ABTB2: variants seen among roughly 807,000 people sequenced by gnomAD.
The protein encoded by ABTB2 is ankyrin repeat and BTB/POZ domain-containing protein 2.
A neutral mutation model predicts 104.1 loss-of-function variants in ABTB2; 56 were observed. That is an observed-to-expected ratio of 0.54 (90% confidence interval 0.43 to 0.67). ABTB2 has a LOEUF of 0.67. Ranked by LOEUF, ABTB2 falls within the 30% of genes least tolerant of loss-of-function variation. The pLI is 0.00. For missense variants in ABTB2, 1,279 were observed against 1,407.7 expected, an observed-to-expected ratio of 0.91 and a Z score of 1.46; for synonymous variants, 606 against 608.2, an observed-to-expected ratio of 1.00 and a Z score of 0.05.
intron 1 of ABTB2, among the ~76,000 whole-genome samples, chr11:34,343,141 T>C (rs1018976005): frequency 1.3e-5 from 2 of 151,876 alleles, no homozygotes; most frequent in Non-Finnish European, 2.9e-5. Flanking sequence ...GGCTAATATG[T>C]TGCTCCCATT....
intron 2 of ABTB2, 52 bp downstream of exon 2, chr11:34,204,492 T>G (rs536386654): frequency 6.6e-7 from 1 of 1,514,378 alleles, no homozygotes; most frequent in Non-Finnish European, 8.8e-7. Flanking sequence ...CCCCCAGCCC[T>G]GAGACCTCGC....
chr11:34,152,578 T>C lies in ABTB2; in HGVS notation c.2887A>G (p.Asn963Asp). ...VNTYKYAKIH[N>D]APELALFCEG... ...CAGAACAGGGCCAGTTCTGGGGCAT[T>C]GTGGATCTGTAGGGCAGAGAGAGGA... Residue 963 changes from asparagine to aspartate, a missense_variant, in exon 17 of 17, where the codon AAT (asparagine) becomes GAT (aspartate). Physicochemically the swap from Asn to Asp is conservative, Grantham distance 23. Coordinates refer to ENST00000435224, the MANE Select transcript of ABTB2 (RefSeq NM_145804.3). 6.3e-7 allele frequency: 1 copy of C among 1,581,094 alleles called. No homozygotes were observed. The highest frequency in any genetic ancestry group is 8.7e-7 in the Non-Finnish European group (1 of 1,151,634).
intron 1 of ABTB2, among the ~76,000 whole-genome samples, chr11:34,229,052 G>A (rs1167232324): frequency 3.4e-5 from 5 of 146,134 alleles, no homozygotes; most frequent in Non-Finnish European, 6.0e-5. Context: ...CTGGGGGTGC[G>A]GAGGTTGCAG....
rs1853386232 is a variant in ABTB2, at chr11:34,204,659, G to A, written c.915C>T (p.Pro305=). The change falls in exon 2 of 17, where the codon CCC becomes CCT. Residue 305 remains proline (P), a synonymous_variant. Transcript: ENST00000435224. ...CATGGCCCAGGGACCCGCCGTTGTAGGGGCTGAAGTATGCGGGGAGGGAGA... is the reference window on the plus strand; with the variant it reads ...CATGGCCCAGGGACCCGCCGTTGTAAGGGCTGAAGTATGCGGGGAGGGAGA... The part of the protein sequence containing the change: ...GVLSLPAYFS[P]YNGGSLGHDE... 1.9e-6 allele frequency: 3 copies of A among 1,613,902 alleles called. No homozygotes were observed. The Admixed American group carries it at 5.0e-5, about 27-fold the overall frequency.
At chr11:34,282,994 C>T (rs1246160636) in intron 1 of ABTB2, among the ~76,000 whole-genome samples, 3 of 151,628 alleles carry the variant, frequency 2.0e-5, no homozygotes, top group Non-Finnish European at 2.9e-5. Flanking sequence ...CTGCAAGCTC[C>T]GCATCCCGGG....
At chr11:34,263,370 A>G (rs1854211921) in intron 1 of ABTB2, among the ~76,000 whole-genome samples, 1 of 152,200 alleles carries the variant, frequency 6.6e-6, no homozygotes, top group African/African-American at 2.4e-5. Flanking sequence ...AACAAAAGCA[A>G]CCAGCAGGAT....
intron 2 of ABTB2, among the ~76,000 whole-genome samples, chr11:34,200,805 C>T (rs1293969126): frequency 6.6e-6 from 1 of 152,176 alleles, no homozygotes; most frequent in Non-Finnish European, 1.5e-5. Context: ...ACTGGGGTCC[C>T]TGCTTCCCAA....
At chr11:34,316,818 AG>A (rs1206529908) in intron 1 of ABTB2, among the ~76,000 whole-genome samples, 1 of 152,246 alleles carries the variant, frequency 6.6e-6, no homozygotes, top group African/African-American at 2.4e-5. Flanking sequence ...GGGTATACAA[AG>A]GACCTGTGTG....
chr11:34,316,206 C>G (rs553448502), intron 1 of ABTB2, among the ~76,000 whole-genome samples: 1 of 152,206 alleles, frequency 6.6e-6, no homozygotes, highest in African/African-American at 2.4e-5. Context: ...CAGCACCCAA[C>G]GTGAGGCTGT....
In ABTB2 at chr11:34,152,147, C is replaced by T. The variant is rs1430798258; in HGVS notation, c.*240G>A. On this transcript the variant is annotated 3_prime_UTR_variant, in exon 17 of 17. Transcript: ENST00000435224. ...TGCATGGCTGCCCTTGAGTTGCAAACTGAGATGGGGAGGAGGGCCACCAGT... is the reference window on the plus strand; with the variant it reads ...TGCATGGCTGCCCTTGAGTTGCAAATTGAGATGGGGAGGAGGGCCACCAGT... 1 of 533,290 alleles carries T rather than the reference C, an allele frequency of 1.9e-6. No homozygotes were observed. Among genetic ancestry groups the T allele is most frequent in the East Asian group, 3.3e-5 (1 of 30,132 alleles). 33.0% of individuals were successfully genotyped at this position (533,290 alleles called of 1,614,324 possible). A position where few individuals can be genotyped will look rare whatever the true frequency, so the allele number is the denominator to read the frequency against.
At position 34,357,249 on chromosome 11, in the gene ABTB2, G is replaced by A. The variant is rs750862459; in HGVS notation, c.335C>T (p.Ala112Val). ...GDVARVLRKGAGGRRLPQFSA... is the reference protein window; with the variant it reads ...GDVARVLRKGVGGRRLPQFSA... The stretch of plus-strand genomic sequence containing the variant: ...GAACTGGGGCAGCCGCCGGCCGCCA[G>A]CGCCTTTGCGGAGCACCCGGGCCAC... The change falls in exon 1 of 17, where the codon GCT (alanine) becomes GTT (valine). Residue 112 changes from alanine (A) to valine (V), a missense_variant. Transcript: ENST00000435224. The A allele has an allele frequency of 2.6e-4, 382 of 1,496,516 alleles. No homozygotes were observed. The highest frequency in any genetic ancestry group is 3.1e-4 in the Non-Finnish European group (350 of 1,128,888). 92.7% of individuals were successfully genotyped at this position (1,496,516 alleles called of 1,614,324 possible).
chr11:34,340,247 C>T (rs950577989), intron 1 of ABTB2, among the ~76,000 whole-genome samples: 2 of 151,978 alleles, frequency 1.3e-5, no homozygotes, highest in Non-Finnish European at 1.5e-5. Flanking sequence ...GCGAACAATA[C>T]GTGAAAAAAT....
At position 34,182,497 on chromosome 11, in the gene ABTB2, TGG is replaced by T. The variant is rs1157886289; in HGVS notation, c.1245-9192_1245-9191del. 4.3e-5 allele frequency among the ~76,000 whole-genome samples: 3 copies of T among 69,936 alleles called. 1 individual carries two copies. Among genetic ancestry groups the T allele is most frequent in the South Asian group, 4.0e-4 (1 of 2,480 alleles). The allele number at this position is 69,936 out of a possible 152,430, so 45.9% of individuals were successfully genotyped here. On this transcript the variant is annotated intron_variant, in intron 3 of 16. Coordinates refer to ENST00000435224, the MANE Select transcript of ABTB2 (RefSeq NM_145804.3). ...GCTTGAGGTGGGGCATTGGGTTCTC[TGG>T]GGGGGGGGGGAAATTCACTTTTCCT...
In ABTB2 at chr11:34,356,653, G is replaced by T. The variant is rs1855467535; in HGVS notation, c.883+48C>A. 1 of 1,496,268 alleles carries T rather than the reference G, an allele frequency of 6.7e-7. No homozygotes were observed. Among genetic ancestry groups the T allele is most frequent in the Non-Finnish European group, 9.0e-7 (1 of 1,115,192 alleles). 92.7% of individuals were successfully genotyped at this position (1,496,268 alleles called of 1,614,324 possible). A position where few individuals can be genotyped will look rare whatever the true frequency, so the allele number is the denominator to read the frequency against. ...ATTCACTCCCCCAGTAGCCCAGGGC[G>T]GGATTTCTTGCCTACCCAGTCTGCC... On this transcript the variant is annotated intron_variant, in intron 1 of 16. Transcript: ENST00000435224. This position sits in a 1 kb window ranked among gnomAD's most constrained non-coding sequence, Gnocchi z 4.6.
intron 3 of ABTB2, among the ~76,000 whole-genome samples, chr11:34,194,008 G>A (rs925103653): frequency 6.6e-6 from 1 of 152,184 alleles, no homozygotes; most frequent in African/African-American, 2.4e-5. Context: ...GCAGCAGGTG[G>A]CTTAGCAGGG....
At chr11:34,313,993 G>A (rs971809586) in intron 1 of ABTB2, among the ~76,000 whole-genome samples, 6 of 152,204 alleles carry the variant, frequency 3.9e-5, no homozygotes, top group African/African-American at 1.4e-4. Flanking sequence ...GTCCTAGGGT[G>A]TGGGTGCTGC....
chr11:34,207,267 G>T (rs1853420556), intron 1 of ABTB2, among the ~76,000 whole-genome samples: 2 of 152,212 alleles, frequency 1.3e-5, no homozygotes, highest in Non-Finnish European at 2.9e-5. Context: ...AGAGCTTAGG[G>T]TAAGGGAATA....
At chr11:34,256,524 A>G (rs1408594911) in intron 1 of ABTB2, among the ~76,000 whole-genome samples, 1 of 152,194 alleles carries the variant, frequency 6.6e-6, no homozygotes, top group East Asian at 1.9e-4. Flanking sequence ...CTGTGTAAAA[A>G]GCTGTCCGGG....
In ABTB2 at chr11:34,170,970, G is replaced by A. The variant is rs757947867; in HGVS notation, c.1499C>T (p.Thr500Met). Residue 500 changes from threonine (T) to methionine (M), a missense_variant, in exon 5 of 17, where the codon ACG becomes ATG. Thr to Met is a moderately conservative substitution (Grantham distance 81, BLOSUM62 -1). Transcript: ENST00000435224. ...CTCGATGGCTTGGTTGATGAGGTCC[G>A]TCCTCCCACAGTTGAGCATGCGGAA... is the stretch of plus-strand genomic sequence containing the variant. ...LGFRMLNCGR[T>M]DLINQAIEAL... 13 of 1,614,046 alleles carry A rather than the reference G, an allele frequency of 8.1e-6. No individual in the cohort carries two copies. The highest frequency in any genetic ancestry group is 1.0e-5 in the Non-Finnish European group (12 of 1,180,040).
Sources: allele counts gnomAD v4.1 joint callset (sites outside exome capture counted in the v4.1 genomes callset), GRCh38; gene constraint gnomAD v4.1.1; non-coding constraint Gnocchi (gnomAD v3.1); transcripts MANE v1.5; gene names NCBI Gene and HGNC (gene_info 2026-07-23, HGNC 2026-07-21).